Variants in CWC27 observed in about 807,000 individuals in gnomAD.
CWC27 encodes spliceosome-associated protein CWC27 homolog.
Under a neutral mutation model 63.6 loss-of-function variants are expected in CWC27, and 47 were observed. The observed-to-expected ratio is 0.74, with a 90% CI of 0.58 to 0.94. The LOEUF is 0.94. Ranked by LOEUF, CWC27 falls within the 40% of genes least tolerant of loss-of-function variation. CWC27 has a pLI of 0.00. For synonymous variants in CWC27, 175 were observed against 179.8 expected, an observed-to-expected ratio of 0.97 and a Z score of 0.22; for missense variants, 495 against 554.3, an observed-to-expected ratio of 0.89 and a Z score of 1.07.
At chr5:64,953,849 C>T (rs915483384) in intron 11 of CWC27, among the ~76,000 whole-genome samples, 10 of 152,130 alleles carry the variant, frequency 6.6e-5, no homozygotes, top group Non-Finnish European at 1.3e-4. Flanking sequence ...GACATTAAGC[C>T]TAACATGGCA....
rs1750086434 is a variant in CWC27 at position 65,018,299 on chromosome 5, G to A, written c.1397G>A (p.Arg466Lys). The A allele has an allele frequency of 6.3e-7, 1 of 1,593,468 alleles. No homozygotes were observed. Among genetic ancestry groups the A allele is most frequent in the Admixed American group, 1.9e-5 (1 of 53,798 alleles). Reference protein sequence around the residue: ...RRREESKKLMREKKERR With the variant: ...RRREESKKLMKEKKERR ...AGGGAAGAAAGCAAAAAGCTGATGA[G>A]AGAGAAAAAAGAAAGAAGATAAAAT... The change falls in exon 14 of 14, where the codon AGA becomes AAA. Residue 466 changes from arginine to lysine, a missense_variant. Coordinates refer to ENST00000381070, the MANE Select transcript of CWC27 (RefSeq NM_005869.4).
chr5:64,933,639 T>G (rs113155080), intron 11 of CWC27, among the ~76,000 whole-genome samples: 10,644 of 151,952 alleles, frequency 0.07, 1,268 homozygotes, highest in African/African-American at 0.24. Context: ...ACTACAGGCA[T>G]GCACCACCAT....
At chr5:64,940,554 A>G (rs1017003403) in intron 11 of CWC27, among the ~76,000 whole-genome samples, 4 of 152,054 alleles carry the variant, frequency 2.6e-5, no homozygotes, top group Non-Finnish European at 5.9e-5. Context: ...AGCTGTTCCT[A>G]TTCAGCCATC....
At chr5:64,800,417 A>C (rs1261370907) in intron 8 of CWC27, 90 bp downstream of exon 8, 1 of 860,420 alleles carries the variant, frequency 1.2e-6, no homozygotes, top group African/African-American at 1.8e-5. Flanking sequence ...GTCAGTCCTC[A>C]TAAGTCAAAA....
At chr5:64,978,453 C>T (rs1405918287) in intron 13 of CWC27, among the ~76,000 whole-genome samples, 1 of 152,138 alleles carries the variant, frequency 6.6e-6, no homozygotes, top group East Asian at 1.9e-4. Flanking sequence ...AAATAAGTTG[C>T]TTGAAGGCAG....
chr5:64,905,535 GAAAT>G (rs1747615646), intron 11 of CWC27, among the ~76,000 whole-genome samples: 1 of 152,000 alleles, frequency 6.6e-6, no homozygotes, highest in Admixed American at 6.6e-5. Flanking sequence ...AAGAACAAAA[GAAAT>G]AAAGACTAGT....
chr5:64,826,461 T>G (rs1043424756), intron 10 of CWC27, among the ~76,000 whole-genome samples: 1 of 152,180 alleles, frequency 6.6e-6, no homozygotes, highest in African/African-American at 2.4e-5. Flanking sequence ...AAAGAATGTG[T>G]ATTCTGCTGT....
intron 1 of CWC27, 44 bp from the exon 2 acceptor site, chr5:64,774,647 T>C: frequency 8.3e-7 from 1 of 1,203,670 alleles, no homozygotes; most frequent in South Asian, 1.5e-5. Flanking sequence ...AACTGATTAT[T>C]AAGCAAAATA....
chr5:64,781,835 T>G, intron 2 of CWC27, 86 bp from the exon 3 acceptor site: 2 of 582,030 alleles, frequency 3.4e-6, no homozygotes, highest in Non-Finnish European at 5.7e-6. Context: ...GGAAAATAAA[T>G]CTTTTGACTC....
chr5:64,990,516 C>T (rs1365285539), intron 13 of CWC27, among the ~76,000 whole-genome samples: 4 of 46,866 alleles, frequency 8.5e-5, no homozygotes, highest in Admixed American at 6.0e-4. Flanking sequence ...CTGCCCGCCT[C>T]GGCCTCCCAA....
chr5:65,014,755 G>T (rs1750021837), intron 13 of CWC27, among the ~76,000 whole-genome samples: 1 of 152,164 alleles, frequency 6.6e-6, no homozygotes, highest in South Asian at 2.1e-4. Flanking sequence ...AGGCAAGTAG[G>T]TCAGGAATTT....
At chr5:64,948,151 G>C (rs981560349) in intron 11 of CWC27, among the ~76,000 whole-genome samples, 1 of 151,998 alleles carries the variant, frequency 6.6e-6, no homozygotes, top group Non-Finnish European at 1.5e-5. Flanking sequence ...CTCTAGGTTA[G>C]AGTTTAGAAC....
rs546887515 is a variant in CWC27, at chr5:64,829,750, C to T, written c.938+25364C>T. ...TGGTGGTTTGCTGCACCCATCAACC[C>T]GTCACCTACATTAGGTATTTCTTCT... On this transcript the variant is annotated intron_variant, in intron 10 of 13. Transcript: ENST00000381070. 3.3e-5 allele frequency among the ~76,000 whole-genome samples: 5 copies of T among 151,116 alleles called. No individual in the cohort carries two copies. The East Asian group carries it at 7.8e-4, about 24-fold the overall frequency.
At chr5:64,790,241 T>G (rs920227820) in intron 7 of CWC27, among the ~76,000 whole-genome samples, 2 of 152,170 alleles carry the variant, frequency 1.3e-5, no homozygotes, top group Admixed American at 6.5e-5. Context: ...TTGTTCAGAG[T>G]TGCTTTAGGA....
intron 11 of CWC27, among the ~76,000 whole-genome samples, chr5:64,924,179 C>T (rs1264336103): frequency 6.6e-6 from 1 of 152,198 alleles, no homozygotes. Context: ...TTACTCCCAG[C>T]TTCATCTCAT....
At chr5:64,991,326 T>C (rs1749532572) in intron 13 of CWC27, among the ~76,000 whole-genome samples, 1 of 152,022 alleles carries the variant, frequency 6.6e-6, no homozygotes, top group African/African-American at 2.4e-5. Flanking sequence ...CTCTCCAATG[T>C]CCCTTCAATA....
In CWC27 at chr5:64,901,733, T is replaced by C. The variant is rs186365205; in HGVS notation, c.1042+16187T>C. Among the ~76,000 whole-genome samples the C allele has an allele frequency of 1.9e-3, 290 of 152,360 alleles. 2 individuals carry two copies. Among genetic ancestry groups the C allele is most frequent in the Non-Finnish European group, 2.3e-3 (158 of 68,034 alleles). On this transcript the variant is annotated intron_variant, in intron 11 of 13. Transcript: ENST00000381070. ...TGAACTTTTTAATTTTTAACTTGAC[T>C]GTTTTGTAATCACACGTAGCTTAAA...
intron 1 of CWC27, among the ~76,000 whole-genome samples, chr5:64,772,424 C>G (rs558277284): frequency 1.3e-5 from 2 of 148,236 alleles, no homozygotes; most frequent in African/African-American, 2.5e-5. Context: ...GAGTTCAAGA[C>G]CAATCTGGCC....
chr5:64,859,985 C>T (rs1746358295), intron 10 of CWC27, among the ~76,000 whole-genome samples: 1 of 152,132 alleles, frequency 6.6e-6, no homozygotes, highest in African/African-American at 2.4e-5. Flanking sequence ...TCCTTGTATA[C>T]ACTCTAATAT....
Sources: gnomAD v4.1 joint callset for allele counts (sites outside exome capture counted in the v4.1 genomes callset) on GRCh38, gnomAD v4.1.1 for gene constraint, MANE v1.5 for transcripts, NCBI Gene and HGNC (gene_info 2026-07-23, HGNC 2026-07-21) for gene names.